The following CNTN5 variants were observed in gnomAD, a reference collection of about 807,000 sequenced individuals.
The protein encoded by CNTN5 is contactin-5.
CNTN5 carries 77 observed loss-of-function variants against 129.1 expected under a neutral mutation model. That is an observed-to-expected ratio of 0.60 (90% confidence interval 0.50 to 0.72). The LOEUF (loss-of-function observed/expected upper bound fraction) is 0.72. Among genes scored for constraint, CNTN5 ranks in the 30% least tolerant of loss-of-function variants. The pLI, the probability that CNTN5 is intolerant of heterozygous loss-of-function variation, is 0.00. For missense variants in CNTN5, 1,478 were observed against 1,328.8 expected (o/e 1.11, Z -1.75); for synonymous variants, 509 against 465.6 (o/e 1.09, Z -1.20).
chr11:100,243,790 G>A (rs1949788618), intron 16 of CNTN5, among the ~76,000 whole-genome samples: 1 of 152,064 alleles, frequency 6.6e-6, no homozygotes, highest in Non-Finnish European at 1.5e-5. Context: ...TCCCCATCAT[G>A]TAGTCATCAC....
chr11:99,427,982 T>C (rs1943206207), intron 2 of CNTN5, among the ~76,000 whole-genome samples: 1 of 152,008 alleles, frequency 6.6e-6, no homozygotes, highest in Non-Finnish European at 1.5e-5. Flanking sequence ...ATTTTCTTTT[T>C]ACAAACCTTA....
In CNTN5 at chr11:99,224,657, A is replaced by ATTTTTTTTTT. The variant is rs3082693; in HGVS notation, c.-209-100678_-209-100669dup. 4.5e-4 allele frequency among the ~76,000 whole-genome samples: 49 copies of ATTTTTTTTTT among 108,942 alleles called. 2 individuals are homozygous for ATTTTTTTTTT. Among genetic ancestry groups the ATTTTTTTTTT allele is most frequent in the Admixed American group, 6.8e-4 (6 of 8,766 alleles). 71.5% of individuals were successfully genotyped at this position (108,942 alleles called of 152,430 possible). A position where few individuals can be genotyped will look rare whatever the true frequency, so the allele number is the denominator to read the frequency against. The stretch of plus-strand genomic sequence containing the variant: ...AAAGAGTCTCGTCTCCCAAGGTTGC[A>ATTTTTTTTTT]TTTTTTTTTTTTTTTTTTTTGAGAC... On this transcript the variant is annotated intron_variant, in intron 1 of 24. Coordinates refer to ENST00000524871, the MANE Select transcript of CNTN5 (RefSeq NM_014361.4).
chr11:99,165,863 A>G (rs1224452305), intron 1 of CNTN5, among the ~76,000 whole-genome samples: 1 of 152,194 alleles, frequency 6.6e-6, no homozygotes, highest in Non-Finnish European at 1.5e-5. Context: ...ATCATTAGAA[A>G]GAAATAAGCA....
chr11:99,866,330 A>G (rs1335994613), intron 6 of CNTN5, among the ~76,000 whole-genome samples: 1 of 152,164 alleles, frequency 6.6e-6, no homozygotes, highest in Non-Finnish European at 1.5e-5. Flanking sequence ...CTGGGTATTT[A>G]GTATTTTTTT....
At chr11:99,622,405 C>A (rs374075795) in intron 3 of CNTN5, among the ~76,000 whole-genome samples, 16 of 152,140 alleles carry the variant, frequency 1.1e-4, no homozygotes, top group South Asian at 1.0e-3. Context: ...CTGTTTTGGT[C>A]TAAAGAGATA....
chr11:100,127,032 A>G (rs762038056), intron 13 of CNTN5, among the ~76,000 whole-genome samples: 3 of 150,632 alleles, frequency 2.0e-5, no homozygotes, highest in Non-Finnish European at 4.4e-5. Context: ...GGATCTTCCC[A>G]CATTAGCCTC....
At chr11:99,980,020 C>A (rs953796477) in intron 8 of CNTN5, among the ~76,000 whole-genome samples, 3 of 152,042 alleles carry the variant, frequency 2.0e-5, no homozygotes, top group Non-Finnish European at 4.4e-5. Context: ...ATAGTAAACC[C>A]CATATAAGTA....
intron 8 of CNTN5, among the ~76,000 whole-genome samples, chr11:99,967,263 T>G (rs1043464782): frequency 6.6e-6 from 1 of 152,160 alleles, no homozygotes; most frequent in South Asian, 2.1e-4. Flanking sequence ...TGGTGAAGGT[T>G]TGGAAGATTT....
intron 2 of CNTN5, among the ~76,000 whole-genome samples, chr11:99,453,575 C>T (rs768804602): frequency 6.6e-5 from 10 of 152,000 alleles, no homozygotes; most frequent in Non-Finnish European, 8.8e-5. Flanking sequence ...CAATTATAGC[C>T]TAAACTTAAT....
intron 1 of CNTN5, among the ~76,000 whole-genome samples, chr11:99,301,435 AATGGCTATACGAAG>A (rs1313814777): frequency 1.3e-5 from 2 of 151,816 alleles, no homozygotes; most frequent in Non-Finnish European, 3.0e-5. Context: ...AGAGAACTGG[AATGGCTATACGAAG>A]ATCAGACTGA....
At chr11:99,811,821 G>GC (rs1490013565) in intron 3 of CNTN5, among the ~76,000 whole-genome samples, 4 of 152,002 alleles carry the variant, frequency 2.6e-5, no homozygotes, top group Non-Finnish European at 5.9e-5. Flanking sequence ...TTTAACACAT[G>GC]CTCCCTAAGG....
chr11:100,346,075 A>G (rs925350807), intron 23 of CNTN5, among the ~76,000 whole-genome samples: 4 of 152,182 alleles, frequency 2.6e-5, no homozygotes, highest in Admixed American at 2.6e-4. Context: ...TTCAGAATCA[A>G]CTGCCTATTT....
intron 1 of CNTN5, among the ~76,000 whole-genome samples, chr11:99,210,854 TAGCA>T (rs1242051981): frequency 2.7e-5 from 3 of 112,792 alleles, no homozygotes; most frequent in African/African-American, 1.1e-4. Flanking sequence ...GAAGGGCAGA[TAGCA>T]GTCTTTCTTT....
chr11:100,111,604 G>T (rs892853025), intron 13 of CNTN5, among the ~76,000 whole-genome samples: 13 of 152,112 alleles, frequency 8.5e-5, no homozygotes, highest in African/African-American at 2.7e-4. Context: ...TTCTTGCAGT[G>T]TCTTTTGCTT....
chr11:99,092,646 A>G (rs1446521680), intron 1 of CNTN5, among the ~76,000 whole-genome samples: 3 of 152,086 alleles, frequency 2.0e-5, no homozygotes, highest in Admixed American at 6.5e-5. Context: ...TAAGTATAGA[A>G]TACTATGAAG....
chr11:99,202,588 G>A lies in CNTN5; in HGVS notation c.-209-122758G>A, dbSNP rs551924420. 5.9e-5 allele frequency among the ~76,000 whole-genome samples: 9 copies of A among 151,986 alleles called. No homozygotes were observed. In the South Asian group the frequency reaches 1.9e-3, roughly 32 times the overall value. ...CAGACCTAAGAAATAACAAATTAGTGTCATTAATTTTTTTAATTGTTTAAA... is the reference window on the plus strand; with the variant it reads ...CAGACCTAAGAAATAACAAATTAGTATCATTAATTTTTTTAATTGTTTAAA... On this transcript the variant is annotated intron_variant, in intron 1 of 24. Transcript: ENST00000524871.
At chr11:99,207,579 TTTTAAC>T (rs1287165256) in intron 1 of CNTN5, among the ~76,000 whole-genome samples, 2 of 152,180 alleles carry the variant, frequency 1.3e-5, no homozygotes, top group African/African-American at 4.8e-5. Context: ...TTTCCTTTGG[TTTTAAC>T]TTTATGTTTT....
intron 3 of CNTN5, among the ~76,000 whole-genome samples, chr11:99,800,193 A>G (rs1188550417): frequency 6.6e-6 from 1 of 152,014 alleles, no homozygotes; most frequent in East Asian, 1.9e-4. Context: ...TAGAAGTTTT[A>G]TATTTCTGCT....
At chr11:99,368,098 C>T (rs754336660) in intron 2 of CNTN5, among the ~76,000 whole-genome samples, 1 of 152,050 alleles carries the variant, frequency 6.6e-6, no homozygotes. Context: ...GACTACAATC[C>T]TTGAAAAAAC....
Sources: allele counts gnomAD v4.1 joint callset (sites outside exome capture counted in the v4.1 genomes callset), GRCh38; gene constraint gnomAD v4.1.1; transcripts MANE v1.5; gene names NCBI Gene and HGNC (gene_info 2026-07-23, HGNC 2026-07-21).